Variants in NSL1 observed in about 807,000 individuals in gnomAD.
NSL1 encodes the protein NSL1 component of MIS12 kinetochore complex.
A neutral mutation model predicts 25.4 loss-of-function variants in NSL1; 11 were observed. The ratio of observed to expected loss-of-function variants is 0.43; its 90% CI spans 0.27 to 0.72. The LOEUF is 0.72. NSL1 is among the 30% of genes least tolerant of loss of function. The probability of loss-of-function intolerance (pLI) is 0.19; values close to 1 mark genes in which losing one functional copy is unlikely to be tolerated. For missense variants in NSL1, 330 were observed against 342.7 expected (o/e 0.96, Z 0.29); for synonymous variants, 118 against 120.6 (o/e 0.98, Z 0.14).
rs748622063 is a variant in NSL1 at position 212,728,210 on chromosome 1, A to G, written c.*10198T>C. On this transcript the variant is annotated 3_prime_UTR_variant, in exon 6 of 6. Coordinates refer to ENST00000366977, the MANE Select transcript of NSL1 (RefSeq NM_015471.4). Reference sequence around the variant, plus strand: ...ATGGCATGTAGTAAGCACTCAATACATGGTAACTACTAGCATTATATTGAT... The same window carrying G: ...ATGGCATGTAGTAAGCACTCAATACGTGGTAACTACTAGCATTATATTGAT... The G allele has an allele frequency of 9.3e-5, 87 of 934,614 alleles. No individual in the cohort carries two copies. Among genetic ancestry groups the G allele is most frequent in the Non-Finnish European group, 1.1e-4 (83 of 783,908 alleles). The allele number at this position is 934,614 out of a possible 1,614,324, so 57.9% of individuals were successfully genotyped here. A position where few individuals can be genotyped will look rare whatever the true frequency, so the allele number is the denominator to read the frequency against.
At chr1:212,757,515 C>T (rs990829091) in intron 4 of NSL1, among the ~76,000 whole-genome samples, 4 of 152,076 alleles carry the variant, frequency 2.6e-5, no homozygotes, top group African/African-American at 9.7e-5. Context: ...AGCATAGCAC[C>T]AACATTTGCT....
At chr1:212,790,639 T>C (rs115674835) in intron 1 of NSL1, among the ~76,000 whole-genome samples, 3,463 of 152,076 alleles carry the variant, frequency 0.023, 63 homozygotes, top group South Asian at 0.041. Context: ...TAAAGGTTAA[T>C]AGGCCGGGCG....
intron 1 of NSL1, among the ~76,000 whole-genome samples, chr1:212,790,139 G>C (rs1356144615): frequency 2.0e-5 from 3 of 151,854 alleles, no homozygotes; most frequent in Non-Finnish European, 4.4e-5. Context: ...TCAGCCTCCC[G>C]AGTAGCTGGG....
chr1:212,790,089 C>T (rs2102410589), intron 1 of NSL1, among the ~76,000 whole-genome samples: 1 of 152,236 alleles, frequency 6.6e-6, no homozygotes, highest in South Asian at 2.1e-4. Flanking sequence ...TCTGGGCTCA[C>T]TGCAAGCTCC....
Position 212,727,022 on chromosome 1 carries a change from G to A in NSL1, c.*11386C>T, listed in dbSNP as rs551423050. 39 of 1,312,092 alleles carry A rather than the reference G, an allele frequency of 3.0e-5. No individual in the cohort carries two copies. The highest frequency in any genetic ancestry group is 1.6e-4 in the South Asian group (11 of 70,622). 81.3% of individuals were successfully genotyped at this position (1,312,092 alleles called of 1,614,324 possible). On this transcript the variant is annotated 3_prime_UTR_variant, in exon 6 of 6. Transcript: ENST00000366977. ...GAGGCCCTCCAGTCCAGTCTACTCC[G>A]GCCTTGGAGATGACTGCCGAGAGAG... is the stretch of plus-strand genomic sequence containing the variant.
chr1:212,738,790 T>C, intron 5 of NSL1, 104 bp from the exon 6 acceptor site: 5 of 915,168 alleles, frequency 5.5e-6, no homozygotes, highest in Non-Finnish European at 8.1e-6. Context: ...TCTTGAGAAG[T>C]CTTGCTTTGT....
In NSL1 at chr1:212,727,160, T is replaced by A. The variant is rs1410613486; in HGVS notation, c.*11248A>T. 6.4e-7 allele frequency: 1 copy of A among 1,574,222 alleles called. No individual in the cohort carries two copies. On this transcript the variant is annotated 3_prime_UTR_variant, in exon 6 of 6. Transcript: ENST00000366977. ...TTCTCTCCTAAACTGCCCCTAGAGCTAGTCCACCAGGCTTGGCTCCTAATG... is the reference window on the plus strand; with the variant it reads ...TTCTCTCCTAAACTGCCCCTAGAGCAAGTCCACCAGGCTTGGCTCCTAATG...
At chr1:212,776,374 A>T (rs539725143) in intron 4 of NSL1, among the ~76,000 whole-genome samples, 20 of 151,108 alleles carry the variant, frequency 1.3e-4, no homozygotes, top group Non-Finnish European at 2.5e-4. Flanking sequence ...AAAAAAAAAT[A>T]ATAAATAATA....
intron 4 of NSL1, among the ~76,000 whole-genome samples, chr1:212,771,227 T>C (rs1032446939): frequency 6.6e-6 from 1 of 152,096 alleles, no homozygotes; most frequent in African/African-American, 2.4e-5. Context: ...GGCAGGAGAA[T>C]CACTTGAATC....
Position 212,728,339 on chromosome 1 carries a change from T to A in NSL1, c.*10069A>T. 1 of 985,440 alleles carries A rather than the reference T, an allele frequency of 1.0e-6. No homozygotes were observed. The highest frequency in any genetic ancestry group is 1.2e-6 in the Non-Finnish European group (1 of 829,896). The allele number at this position is 985,440 out of a possible 1,614,324, so 61.0% of individuals were successfully genotyped here. ...AAGTGGATTCTTTATATGCCTGTTT[T>A]AAAAATATGCTGCTTTAAACAGTTC... On this transcript the variant is annotated 3_prime_UTR_variant, in exon 6 of 6. Transcript: ENST00000366977.
intron 4 of NSL1, among the ~76,000 whole-genome samples, chr1:212,747,402 G>A (rs1418377761): frequency 1.3e-5 from 2 of 152,238 alleles, no homozygotes; most frequent in African/African-American, 4.8e-5. Context: ...AGAGGCCCAC[G>A]TTGTAAGGAA....
intron 4 of NSL1, among the ~76,000 whole-genome samples, chr1:212,779,380 T>TG (rs567032284): frequency 0.011 from 1,138 of 103,662 alleles, 25 homozygotes; most frequent in African/African-American, 0.041. Context: ...CAGAGGGAGG[T>TG]GGGGGGGTCA....
intron 4 of NSL1, among the ~76,000 whole-genome samples, chr1:212,757,441 T>C (rs757393775): frequency 2.0e-5 from 3 of 152,190 alleles, no homozygotes; most frequent in Non-Finnish European, 4.4e-5. Context: ...TAAAGGAATA[T>C]GTAAGACTGG....
In NSL1 at chr1:212,737,658, T is replaced by C. The variant is rs932178564; in HGVS notation, c.*750A>G. On this transcript the variant is annotated 3_prime_UTR_variant, in exon 6 of 6. Coordinates refer to ENST00000366977, the MANE Select transcript of NSL1 (RefSeq NM_015471.4). Reference sequence around the variant, plus strand: ...GATATATATTTTGAACTGGAATGATTTGTAAAGAAATAAATAAGAAACCCT... The same window carrying C: ...GATATATATTTTGAACTGGAATGATCTGTAAAGAAATAAATAAGAAACCCT... The C allele has an allele frequency of 1.3e-5, 12 of 953,058 alleles. No homozygotes were observed. The highest frequency in any genetic ancestry group is 1.2e-4 in the African/African-American group (7 of 56,540). 59.0% of individuals were successfully genotyped at this position (953,058 alleles called of 1,614,324 possible). A position where few individuals can be genotyped will look rare whatever the true frequency, so the allele number is the denominator to read the frequency against.
At chr1:212,747,156 G>T (rs897151148) in intron 4 of NSL1, among the ~76,000 whole-genome samples, 11 of 150,940 alleles carry the variant, frequency 7.3e-5, no homozygotes, top group Admixed American at 5.3e-4. Context: ...ATGGCCCCCA[G>T]TGATCTCTGC....
chr1:212,743,569 C>A (rs1317540797), intron 4 of NSL1, among the ~76,000 whole-genome samples: 1 of 151,728 alleles, frequency 6.6e-6, no homozygotes, highest in Non-Finnish European at 1.5e-5. Flanking sequence ...TTCTTAAATA[C>A]CTTGTATATA....
At chr1:212,742,428 A>G (rs2102432052) in intron 4 of NSL1, among the ~76,000 whole-genome samples, 1 of 152,334 alleles carries the variant, frequency 6.6e-6, no homozygotes, top group East Asian at 1.9e-4. Context: ...ACCAAGACAA[A>G]GTACTGACTG....
At chr1:212,742,056 C>T (rs370282380) in intron 4 of NSL1, among the ~76,000 whole-genome samples, 1 of 152,286 alleles carries the variant, frequency 6.6e-6, no homozygotes, top group Admixed American at 6.5e-5. Flanking sequence ...CACCACCCCC[C>T]ACTTCAGAAC....
rs576866025 is a variant in NSL1 at position 212,731,968 on chromosome 1, G to C, written c.*6440C>G. On this transcript the variant is annotated 3_prime_UTR_variant, in exon 6 of 6. Coordinates refer to ENST00000366977, the MANE Select transcript of NSL1 (RefSeq NM_015471.4). The stretch of plus-strand genomic sequence containing the variant: ...TAACCAATGTCCATCTAACTGTTCA[G>C]TGCCTGTGCTGTACTAATTGCTAAT... 6 of 984,568 alleles carry C rather than the reference G, an allele frequency of 6.1e-6. No individual in the cohort carries two copies. In the African/African-American group the frequency reaches 1.1e-4, roughly 17 times the overall value. The allele number at this position is 984,568 out of a possible 1,614,324, so 61.0% of individuals were successfully genotyped here. A position where few individuals can be genotyped will look rare whatever the true frequency, so the allele number is the denominator to read the frequency against.
Sources: gnomAD v4.1 joint callset for allele counts (sites outside exome capture counted in the v4.1 genomes callset) on GRCh38, gnomAD v4.1.1 for gene constraint, MANE v1.5 for transcripts, NCBI Gene and HGNC (gene_info 2026-07-23, HGNC 2026-07-21) for gene names.